Variants in LARP1B observed in about 807,000 individuals in gnomAD.
The protein encoded by LARP1B is la-related protein 1B.
LARP1B carries 76 observed loss-of-function variants against 114.2 expected under a neutral mutation model. That is an observed-to-expected ratio of 0.67 (90% CI 0.55 to 0.81). LARP1B has a LOEUF of 0.81. LARP1B is among the 30% of genes least tolerant of loss of function. The pLI is 0.00. For synonymous variants in LARP1B, 345 were observed against 348.0 expected, an observed-to-expected ratio of 0.99 and a Z score of 0.10; for missense variants, 1,014 against 1,075.8, an observed-to-expected ratio of 0.94 and a Z score of 0.80.
At position 128,102,705 on chromosome 4, in the gene LARP1B, G is replaced by A. The variant is rs1395526962; in HGVS notation, c.813+4375G>A. ...CTTTTTGTGTCTTCCATTTGTTAGA[G>A]CAAATTGATCTTGGTTCTATAGCTT... is the stretch of plus-strand genomic sequence containing the variant. On this transcript the variant is annotated intron_variant, in intron 8 of 19. Coordinates refer to ENST00000326639, the MANE Select transcript of LARP1B (RefSeq NM_018078.4). Among the ~76,000 whole-genome samples the A allele has an allele frequency of 2.0e-5, 3 of 151,968 alleles. No individual in the cohort carries two copies. The Admixed American group carries it at 2.0e-4, about 10-fold the overall frequency.
At chr4:128,204,710 T>G (rs1367295080) in intron 17 of LARP1B, among the ~76,000 whole-genome samples, 1 of 151,736 alleles carries the variant, frequency 6.6e-6, no homozygotes, top group Non-Finnish European at 1.5e-5. Context: ...TTAAAGAGTA[T>G]AATTGAATTG....
intron 11 of LARP1B, among the ~76,000 whole-genome samples, chr4:128,132,757 G>C (rs1328114646): frequency 6.6e-6 from 1 of 151,888 alleles, no homozygotes; most frequent in Admixed American, 6.6e-5. Flanking sequence ...TCTGTGGACT[G>C]GGGGGCATGG....
At chr4:128,170,900 G>A (rs1454046595) in intron 12 of LARP1B, among the ~76,000 whole-genome samples, 1 of 42,006 alleles carries the variant, frequency 2.4e-5, no homozygotes, top group Non-Finnish European at 5.2e-5. Context: ...GGCTTCTATT[G>A]CCCATTTTGT....
intron 10 of LARP1B, among the ~76,000 whole-genome samples, chr4:128,116,813 T>C (rs1226076123): frequency 1.3e-5 from 2 of 152,210 alleles, no homozygotes; most frequent in Non-Finnish European, 2.9e-5. Context: ...TCATTTTTCT[T>C]TGGAATTCTA....
At chr4:128,079,631 G>A (rs114281553) in intron 4 of LARP1B, among the ~76,000 whole-genome samples, 4,053 of 151,816 alleles carry the variant, frequency 0.027, 166 homozygotes, top group African/African-American at 0.093. Flanking sequence ...TGGCATGCTC[G>A]TGGCCCACTG....
chr4:128,063,406 C>T (rs1470890222), intron 1 of LARP1B, among the ~76,000 whole-genome samples: 1 of 103,142 alleles, frequency 9.7e-6, no homozygotes, highest in Non-Finnish European at 1.8e-5. Context: ...CCAGCCTGGT[C>T]GGCAGAGTGA....
intron 5 of LARP1B, among the ~76,000 whole-genome samples, chr4:128,088,067 C>G (rs1466124211): frequency 2.0e-5 from 3 of 151,804 alleles, no homozygotes; most frequent in Non-Finnish European, 4.4e-5. Context: ...TGGCACTCAC[C>G]TGTAGTCCCA....
chr4:128,151,663 C>T (rs1249668149), intron 11 of LARP1B, among the ~76,000 whole-genome samples: 3 of 151,832 alleles, frequency 2.0e-5, no homozygotes, highest in Admixed American at 6.6e-5. Context: ...AGTGCAATGG[C>T]GTGATCTCGG....
intron 11 of LARP1B, chr4:128,155,669 C>CA: frequency 6.3e-7 from 1 of 1,592,336 alleles, no homozygotes; most frequent in Non-Finnish European, 8.6e-7. Flanking sequence ...GTGGTGTGTC[C>CA]AAGGCCTTGT....
chr4:128,114,332 T>C (rs1185096810), intron 9 of LARP1B, among the ~76,000 whole-genome samples: 1 of 152,210 alleles, frequency 6.6e-6, no homozygotes, highest in African/African-American at 2.4e-5. Context: ...TTGAGAAGTT[T>C]ACATGAATGT....
At chr4:128,155,182 A>C (rs1014011181) in intron 11 of LARP1B, among the ~76,000 whole-genome samples, 1 of 152,186 alleles carries the variant, frequency 6.6e-6, no homozygotes, top group Non-Finnish European at 1.5e-5. Context: ...ACAAAAACCA[A>C]AATTAGGCTT....
chr4:128,102,764 C>A (rs575590374), intron 8 of LARP1B, among the ~76,000 whole-genome samples: 1 of 152,250 alleles, frequency 6.6e-6, no homozygotes, highest in African/African-American at 2.4e-5. Flanking sequence ...AACGTAATAT[C>A]TTCATGCTTC....
At chr4:128,126,810 T>G (rs866658052) in intron 11 of LARP1B, among the ~76,000 whole-genome samples, 5 of 95,026 alleles carry the variant, frequency 5.3e-5, no homozygotes, top group Admixed American at 1.4e-4. Context: ...TTATTTGTTT[T>G]TGTTTTTTTT....
chr4:128,162,169 A>G (rs1482828701), intron 11 of LARP1B, 25 bp from the exon 12 acceptor site: 1 of 1,608,130 alleles, frequency 6.2e-7, no homozygotes, highest in Non-Finnish European at 8.5e-7. Context: ...CAGTTTAGTA[A>G]TTAGATTCCT....
At chr4:128,214,442 G>A (rs1454719560), downstream of LARP1B, among the ~76,000 whole-genome samples, 1 of 150,652 alleles carries the variant, frequency 6.6e-6, no homozygotes. Flanking sequence ...CTCCCAGCAC[G>A]CAGCTGGAGA....
intron 15 of LARP1B, among the ~76,000 whole-genome samples, chr4:128,188,259 G>C (rs1224268609): frequency 6.6e-6 from 1 of 151,954 alleles, no homozygotes; most frequent in East Asian, 1.9e-4. Context: ...ATTTTTAGTA[G>C]AGATGGGGTT....
chr4:128,176,261 A>G (rs924227745), intron 12 of LARP1B, among the ~76,000 whole-genome samples: 21 of 132,512 alleles, frequency 1.6e-4, no homozygotes, highest in African/African-American at 1.5e-4. Flanking sequence ...ATTTATATAT[A>G]TACACATATG....
intron 11 of LARP1B, among the ~76,000 whole-genome samples, chr4:128,149,515 C>T (rs143349053): frequency 2.0e-5 from 3 of 152,114 alleles, no homozygotes; most frequent in Middle Eastern, 3.4e-3. Context: ...TAATAACCTA[C>T]GTGAGAATGA....
chr4:128,105,330 CTG>C (rs572968151), intron 8 of LARP1B, among the ~76,000 whole-genome samples: 231 of 152,250 alleles, frequency 1.5e-3, no homozygotes, highest in African/African-American at 5.4e-3. Context: ...TCTTCTGTCT[CTG>C]AGTTCTTTTC....
Sources: allele counts gnomAD v4.1 joint callset (sites outside exome capture counted in the v4.1 genomes callset), GRCh38; gene constraint gnomAD v4.1.1; transcripts MANE v1.5; gene names NCBI Gene and HGNC (gene_info 2026-07-23, HGNC 2026-07-21).